The following FAM13A variants were observed in gnomAD, a reference collection of about 807,000 sequenced individuals.
The protein encoded by FAM13A is family with sequence similarity 13 member A, also known as protein FAM13A.
In FAM13A, 76 loss-of-function variants were observed where a neutral mutation model predicts 129.6. The ratio of observed to expected loss-of-function variants is 0.59; its 90% CI spans 0.49 to 0.71. The LOEUF (loss-of-function observed/expected upper bound fraction) is 0.71, where lower values mean the gene tolerates loss of function less well. FAM13A is among the 30% of genes least tolerant of loss of function. The probability of loss-of-function intolerance (pLI) is 0.00; values close to 1 mark genes in which losing one functional copy is unlikely to be tolerated. For missense variants in FAM13A, 1,108 were observed against 1,249.3 expected, an observed-to-expected ratio of 0.89 and a Z score of 1.70; for synonymous variants, 443 against 449.9, an observed-to-expected ratio of 0.98 and a Z score of 0.20.
At position 88,750,512 on chromosome 4, in the gene FAM13A, G is replaced by A. The variant is rs1742341419; in HGVS notation, c.1852C>T (p.Pro618Ser). 6 of 1,614,170 alleles carry A rather than the reference G, an allele frequency of 3.7e-6. No individual in the cohort carries two copies. The highest frequency in any genetic ancestry group is 5.1e-6 in the Non-Finnish European group (6 of 1,180,022). ...LDEDSDPMLS[P>S]RFYAYGQSRQ... ...CTCTGCCCATAAGCGTAGAACCGAG[G>A]AGAGAGCATGGGGTCGCTGTCTTCG... Residue 618 changes from proline to serine, a missense_variant, in exon 15 of 24, where the codon CCT (proline) becomes TCT (serine). Physicochemically the swap from Pro to Ser is moderately conservative, Grantham distance 74. Around this residue, in one of 3 missense-constraint regions of FAM13A, gnomAD observed 529 missense variants for 621.2 expected, o/e 0.85. Coordinates refer to ENST00000264344, the MANE Select transcript of FAM13A (RefSeq NM_014883.4).
rs775909496 is a variant in FAM13A, at chr4:88,748,936, C to A, written c.2161+16G>T. The A allele has an allele frequency of 6.3e-7, 1 of 1,594,786 alleles. No individual in the cohort carries two copies. The highest frequency in any genetic ancestry group is 2.2e-5 in the East Asian group (1 of 44,778). On this transcript the variant is annotated intron_variant, in intron 17 of 23. Transcript: ENST00000264344. ...GGCTTGTTGTACAGAAGCCACAGCT[C>A]CAGAATTTTACCCACCTTTAAGTTG...
intron 6 of FAM13A, among the ~76,000 whole-genome samples, chr4:88,862,456 T>C (rs896989591): frequency 1.3e-5 from 2 of 152,210 alleles, no homozygotes; most frequent in African/African-American, 4.8e-5. Context: ...CTCAGACTGT[T>C]AAGGCAGTGT....
chr4:88,847,460 A>G (rs572231756), intron 7 of FAM13A, among the ~76,000 whole-genome samples: 4 of 152,332 alleles, frequency 2.6e-5, no homozygotes, highest in Admixed American at 2.6e-4. Flanking sequence ...TTAACTGGGG[A>G]TAATATATGC....
chr4:89,035,347 A>C (rs1358866213), intron 1 of FAM13A, among the ~76,000 whole-genome samples: 2 of 152,122 alleles, frequency 1.3e-5, no homozygotes, highest in African/African-American at 4.8e-5. Flanking sequence ...TTAAAAGACA[A>C]AAAATAAAAA....
chr4:88,845,961 A>T (rs1446728646), intron 7 of FAM13A, among the ~76,000 whole-genome samples: 2 of 152,186 alleles, frequency 1.3e-5, no homozygotes, highest in African/African-American at 4.8e-5. Context: ...TTAAGAACAC[A>T]CCTGTAACAT....
chr4:89,050,555 AC>A (rs1371120632), intron 1 of FAM13A, among the ~76,000 whole-genome samples: 1 of 151,880 alleles, frequency 6.6e-6, no homozygotes, highest in African/African-American at 2.4e-5. Flanking sequence ...CTTTTTTTTT[AC>A]AAAAATCAAG....
At chr4:88,987,838 C>CACAAAAAAAAAAAA (rs1762435132) in intron 4 of FAM13A, among the ~76,000 whole-genome samples, 1 of 71,188 alleles carries the variant, frequency 1.4e-5, no homozygotes, top group African/African-American at 5.9e-5. Context: ...AGACTCCTCT[C>CACAAAAAAAAAAAA]AAAAAAAAAA....
At chr4:89,006,881 C>G (rs1765113260) in intron 3 of FAM13A, among the ~76,000 whole-genome samples, 1 of 152,200 alleles carries the variant, frequency 6.6e-6, no homozygotes, top group Admixed American at 6.5e-5. Flanking sequence ...TAAGCCGCAT[C>G]TATCCATAGT....
At chr4:89,027,573 A>C (rs1768130791) in intron 2 of FAM13A, among the ~76,000 whole-genome samples, 1 of 151,770 alleles carries the variant, frequency 6.6e-6, no homozygotes, top group Admixed American at 6.6e-5. Flanking sequence ...CATAGATTTT[A>C]GCAACCTCAG....
intron 4 of FAM13A, among the ~76,000 whole-genome samples, chr4:88,979,309 A>G (rs1293483050): frequency 1.3e-5 from 2 of 152,220 alleles, no homozygotes; most frequent in Non-Finnish European, 2.9e-5. Flanking sequence ...ATACCCTTTA[A>G]CCAGCAAGTT....
intron 18 of FAM13A, among the ~76,000 whole-genome samples, chr4:88,747,277 G>A (rs1323740174): frequency 1.3e-5 from 2 of 152,126 alleles, no homozygotes; most frequent in Non-Finnish European, 2.9e-5. Flanking sequence ...GCAGGGCTGT[G>A]AGGCACATGG....
chr4:88,873,247 A>G (rs953268306), intron 6 of FAM13A, among the ~76,000 whole-genome samples: 1 of 152,208 alleles, frequency 6.6e-6, no homozygotes, highest in African/African-American at 2.4e-5. Flanking sequence ...AGCAAGAGCA[A>G]ACACATTCAA....
intron 19 of FAM13A, among the ~76,000 whole-genome samples, chr4:88,739,786 CA>C (rs34007551): frequency 0.063 from 4,303 of 67,864 alleles, 59 homozygotes; most frequent in Non-Finnish European, 0.079. Context: ...GACTCTGTCT[CA>C]AAAAAAAAAA....
At chr4:88,771,005 T>C (rs944129305) in intron 11 of FAM13A, among the ~76,000 whole-genome samples, 2 of 152,238 alleles carry the variant, frequency 1.3e-5, no homozygotes, top group African/African-American at 4.8e-5. Flanking sequence ...ATGTTATTTC[T>C]GTGCACATTT....
chr4:88,759,175 C>A (rs1205589013), intron 13 of FAM13A: 1 of 351,898 alleles, frequency 2.8e-6, no homozygotes, highest in Non-Finnish European at 5.3e-6. Flanking sequence ...CTGATTGGGG[C>A]CAGGAATGAG....
At chr4:88,841,388 G>C (rs1379710176) in intron 7 of FAM13A, among the ~76,000 whole-genome samples, 1 of 151,652 alleles carries the variant, frequency 6.6e-6, no homozygotes, top group Non-Finnish European at 1.5e-5. Context: ...CAGCTACTCA[G>C]GAGGCTGAGG....
At chr4:88,823,309 C>A in intron 7 of FAM13A, 1 of 1,156,806 alleles carries the variant, frequency 8.6e-7, no homozygotes, top group Non-Finnish European at 1.1e-6. Context: ...GCTGCTGCAG[C>A]ACTAAAGGCG....
intron 5 of FAM13A, among the ~76,000 whole-genome samples, 160 bp from the exon 6 acceptor site, chr4:88,906,622 C>T (rs906060251): frequency 1.3e-5 from 2 of 152,098 alleles, no homozygotes; most frequent in East Asian, 3.9e-4. Flanking sequence ...AAAACTTTTC[C>T]TCTTACATGT....
At chr4:89,050,902 T>C (rs891739180) in intron 1 of FAM13A, among the ~76,000 whole-genome samples, 10 of 152,082 alleles carry the variant, frequency 6.6e-5, no homozygotes, top group African/African-American at 1.9e-4. Context: ...CTCTCCAGCC[T>C]GGGCAACAGA....
Sources: allele counts gnomAD v4.1 joint callset (sites outside exome capture counted in the v4.1 genomes callset), GRCh38; gene constraint gnomAD v4.1.1; regional missense constraint gnomAD v4.1.1; transcripts MANE v1.5; gene names NCBI Gene and HGNC (gene_info 2026-07-23, HGNC 2026-07-21).